The following SGMS1 variants were observed in gnomAD, a reference collection of about 807,000 sequenced individuals.
The protein encoded by SGMS1 is phosphatidylcholine:ceramide cholinephosphotransferase 1.
In SGMS1, 13 loss-of-function variants were observed where a neutral mutation model predicts 46.2. That is an observed-to-expected ratio of 0.28 (90% CI 0.18 to 0.45). The LOEUF is 0.45. Ranked by LOEUF, SGMS1 falls within the 20% of genes least tolerant of loss-of-function variation. The pLI, the probability that SGMS1 is intolerant of heterozygous loss-of-function variation, is 1.00. For missense variants in SGMS1, 324 were observed against 519.9 expected, an observed-to-expected ratio of 0.62 and a Z score of 3.66; for synonymous variants, 203 against 187.8, an observed-to-expected ratio of 1.08 and a Z score of -0.66.
At chr10:50,466,615 T>A (rs1410241142) in intron 4 of SGMS1, among the ~76,000 whole-genome samples, 1 of 152,194 alleles carries the variant, frequency 6.6e-6, no homozygotes, top group Non-Finnish European at 1.5e-5. Flanking sequence ...TGATGTCAGA[T>A]ATGTATGTAA....
rs117595345 is a variant in SGMS1, at chr10:50,327,828, G to A, written c.624-506C>T. 8.6e-3 allele frequency among the ~76,000 whole-genome samples: 1,317 copies of A among 152,294 alleles called. 10 individuals carry two copies. Among genetic ancestry groups the A allele is most frequent in the Middle Eastern group, 0.027 (8 of 294 alleles). On this transcript the variant is annotated intron_variant, in intron 7 of 10. Transcript: ENST00000361781. ...AACTGATTCTCTGAGGCAACATGATGCCAAGAACGAACCTATGGAAAAACA... is the reference window on the plus strand; with the variant it reads ...AACTGATTCTCTGAGGCAACATGATACCAAGAACGAACCTATGGAAAAACA...
intron 5 of SGMS1, among the ~76,000 whole-genome samples, chr10:50,434,883 CAA>C (rs11398784): frequency 7.3e-5 from 8 of 110,340 alleles, no homozygotes; most frequent in Admixed American, 9.3e-5. Flanking sequence ...GACTCCGTCT[CAA>C]AAAAAAAAAA....
intron 6 of SGMS1, among the ~76,000 whole-genome samples, chr10:50,363,305 A>G (rs78755638): frequency 0.022 from 3,406 of 152,312 alleles, 134 homozygotes; most frequent in African/African-American, 0.076. Flanking sequence ...CGGATCTGGC[A>G]GGCCCAAAAC....
At chr10:50,400,876 T>G (rs1004927083) in intron 6 of SGMS1, among the ~76,000 whole-genome samples, 14 of 152,112 alleles carry the variant, frequency 9.2e-5, no homozygotes, top group Admixed American at 5.9e-4. Flanking sequence ...AATTTCCCAA[T>G]AGACCACATC....
intron 3 of SGMS1, among the ~76,000 whole-genome samples, chr10:50,475,043 C>T (rs1052962545): frequency 1.3e-5 from 2 of 152,148 alleles, no homozygotes; most frequent in African/African-American, 4.8e-5. Context: ...CTGTCCAAGA[C>T]TGAGAAATGG....
chr10:50,575,419 G>A (rs763359240), intron 2 of SGMS1, among the ~76,000 whole-genome samples: 2 of 152,094 alleles, frequency 1.3e-5, no homozygotes, highest in Admixed American at 6.5e-5. Flanking sequence ...AGGCATGGTG[G>A]TGCACACCTG....
intron 3 of SGMS1, among the ~76,000 whole-genome samples, chr10:50,501,539 C>T (rs368992812): frequency 4.6e-5 from 7 of 152,068 alleles, no homozygotes; most frequent in South Asian, 2.1e-4. Flanking sequence ...ATGATTCACA[C>T]GCAGACCAAA....
chr10:50,383,311 G>A (rs932436611), intron 6 of SGMS1, among the ~76,000 whole-genome samples: 1 of 152,114 alleles, frequency 6.6e-6, no homozygotes, highest in Non-Finnish European at 1.5e-5. Flanking sequence ...AGTTTAAAAA[G>A]ATTTCCATTG....
intron 2 of SGMS1, among the ~76,000 whole-genome samples, chr10:50,586,492 C>A (rs1424879346): frequency 6.6e-6 from 1 of 152,244 alleles, no homozygotes; most frequent in African/African-American, 2.4e-5. Flanking sequence ...CAACTCTTTG[C>A]CCCTCACCTA....
At chr10:50,475,779 C>T (rs1197322394) in intron 3 of SGMS1, among the ~76,000 whole-genome samples, 2 of 152,062 alleles carry the variant, frequency 1.3e-5, no homozygotes, top group Non-Finnish European at 2.9e-5. Context: ...CTCCTGTCAA[C>T]CATGTAAAGA....
At chr10:50,395,848 A>T (rs546146558) in intron 6 of SGMS1, among the ~76,000 whole-genome samples, 1 of 152,302 alleles carries the variant, frequency 6.6e-6, no homozygotes, top group South Asian at 2.1e-4. Flanking sequence ...TGCAGGAAAG[A>T]CAAGAAATGG....
intron 1 of SGMS1, among the ~76,000 whole-genome samples, chr10:50,599,281 T>C (rs1197344751): frequency 6.6e-6 from 1 of 152,242 alleles, no homozygotes; most frequent in African/African-American, 2.4e-5. Flanking sequence ...CATATCTTGG[T>C]TGTGTCCTAA....
At chr10:50,587,938 A>C (rs1838502928) in intron 2 of SGMS1, among the ~76,000 whole-genome samples, 1 of 151,986 alleles carries the variant, frequency 6.6e-6, no homozygotes, top group Non-Finnish European at 1.5e-5. Flanking sequence ...TCTATTTTCC[A>C]TATGTATCTT....
rs577288751 is a variant in SGMS1, at chr10:50,579,144, A to T, written c.-589+11009T>A. Among the ~76,000 whole-genome samples the T allele has an allele frequency of 1.6e-4, 25 of 152,302 alleles. No homozygotes were observed. The South Asian group carries it at 2.1e-3, about 13-fold the overall frequency. Reference sequence around the variant, plus strand: ...TATACAATAAAAGCAATCAGAGAATAAAAAAACTGTCAAAAAATTTTAAAA... The same window carrying T: ...TATACAATAAAAGCAATCAGAGAATTAAAAAACTGTCAAAAAATTTTAAAA... On this transcript the variant is annotated intron_variant, in intron 2 of 10. Coordinates refer to ENST00000361781, the MANE Select transcript of SGMS1 (RefSeq NM_147156.4).
intron 3 of SGMS1, among the ~76,000 whole-genome samples, chr10:50,514,046 C>G (rs1837780960): frequency 6.6e-6 from 1 of 152,080 alleles, no homozygotes; most frequent in South Asian, 2.1e-4. Flanking sequence ...AACAAGATAT[C>G]AAAAAGTTGC....
intron 6 of SGMS1, among the ~76,000 whole-genome samples, chr10:50,423,258 T>C (rs1177195007): frequency 3.9e-5 from 6 of 151,940 alleles, no homozygotes; most frequent in Admixed American, 3.3e-4. Context: ...TGTTTTATCA[T>C]TGGCTTTATT....
At chr10:50,527,555 A>G (rs528394815) in intron 2 of SGMS1, among the ~76,000 whole-genome samples, 1 of 152,302 alleles carries the variant, frequency 6.6e-6, no homozygotes, top group South Asian at 2.1e-4. Context: ...GCACCTAGCC[A>G]CTTGATACGC....
chr10:50,363,221 G>C (rs149369537), intron 6 of SGMS1, among the ~76,000 whole-genome samples: 48 of 152,248 alleles, frequency 3.2e-4, no homozygotes, highest in African/African-American at 1.2e-3. Context: ...GAAGAGAACA[G>C]AAGAGAAGAG....
intron 2 of SGMS1, among the ~76,000 whole-genome samples, chr10:50,542,066 C>T (rs1379168216): frequency 1.3e-5 from 2 of 152,128 alleles, no homozygotes; most frequent in African/African-American, 2.4e-5. Context: ...AATCCTCCAC[C>T]AAAGCCACCA....
Sources: allele counts gnomAD v4.1 joint callset (sites outside exome capture counted in the v4.1 genomes callset), GRCh38; gene constraint gnomAD v4.1.1; transcripts MANE v1.5; gene names NCBI Gene and HGNC (gene_info 2026-07-23, HGNC 2026-07-21).